The following MUC4 variants were observed in gnomAD, a reference collection of about 807,000 sequenced individuals.
The protein encoded by MUC4 is mucin-4.
Under a neutral mutation model 257.9 loss-of-function variants are expected in MUC4, and 202 were observed. That is an observed-to-expected ratio of 0.78 (90% CI 0.70 to 0.88). The LOEUF (loss-of-function observed/expected upper bound fraction) is 0.88, where lower values mean the gene tolerates loss of function less well. MUC4 is among the 40% of genes least tolerant of loss of function. The pLI, the probability that MUC4 is intolerant of heterozygous loss-of-function variation, is 0.00. For synonymous variants in MUC4, 2,351 were observed against 2,757.1 expected (o/e 0.85, Z 4.62); for missense variants, 5,976 against 6,513.7 (o/e 0.92, Z 2.84).
chr3:195,778,431 G>A lies in MUC4; in HGVS notation c.12815C>T (p.Thr4272Ile). Reference sequence around the variant, plus strand: ...TGTGGCTGTGCGTCTCCCACCGTCTGTCTTCAGTGACGGTGTTGTCATTCC... The same window carrying A: ...TGTGGCTGTGCGTCTCCCACCGTCTATCTTCAGTGACGGTGTTGTCATTCC... The part of the protein sequence containing the change: ...TPGMTTPSLK[T>I]DGGRRTATSP... The change falls in exon 3 of 25, where the codon ACA (threonine) becomes ATA (isoleucine). Residue 4272 changes from threonine to isoleucine, a missense_variant. Physicochemically the swap from Thr to Ile is moderately conservative, Grantham distance 89. This residue lies in a region of MUC4 where 233 missense variants were observed against 171.2 expected (regional missense o/e 1.36). Transcript: ENST00000463781. 2 of 1,612,924 alleles carry A rather than the reference G, an allele frequency of 1.2e-6. No homozygotes were observed. Among genetic ancestry groups the A allele is most frequent in the Non-Finnish European group, 1.7e-6 (2 of 1,179,808 alleles).
In MUC4 at chr3:195,779,843, C is replaced by G. The variant is rs1245628907; in HGVS notation, c.11737G>C (p.Ala3913Pro). The part of the protein sequence containing the change: ...TPLPVTDTSS[A>P]STDDTTRLPV... ...AGACGGGTGGTGTCATCTGTGGAAG[C>G]TGAGGAAGTGTCGGTGACAGGAAGA... The change falls in exon 2 of 25, where the codon GCT becomes CCT. Residue 3913 changes from alanine to proline, a missense_variant. Ala to Pro is a conservative substitution (Grantham distance 27). Transcript: ENST00000463781. 1 of 604,454 alleles carries G rather than the reference C, an allele frequency of 1.7e-6. No individual in the cohort carries two copies. The highest frequency in any genetic ancestry group is 2.7e-5 in the African/African-American group (1 of 37,508). The allele number at this position is 604,454 out of a possible 1,614,324, so 37.4% of individuals were successfully genotyped here.
chr3:195,766,522 A>G, intron 8 of MUC4, 141 bp downstream of exon 8: 1 of 710,702 alleles, frequency 1.4e-6, no homozygotes, highest in Non-Finnish European at 2.4e-6. Flanking sequence ...CTAGACCTGT[A>G]GGAGGTTGAA....
chr3:195,808,214 G>A (rs910923051), intron 1 of MUC4, among the ~76,000 whole-genome samples: 3 of 151,870 alleles, frequency 2.0e-5, no homozygotes, highest in African/African-American at 7.3e-5. Context: ...TCTCAAACAC[G>A]TCTTTATGGC....
rs1339355747 is a variant in MUC4, at chr3:195,762,748, ACCCGGCCCTGCACCGCCACGCG to A, written c.14344+85_14344+106del. ...CGCGCCCGGCCCTGCACCACAACGC[ACCCGGCCCTGCACCGCCACGCG>A]CCCGGCCCTGCACCGCAACGCGGCT... On this transcript the variant is annotated intron_variant, in intron 13 of 24. Coordinates refer to ENST00000463781, the MANE Select transcript of MUC4 (RefSeq NM_018406.7). 13 of 1,041,494 alleles carry A rather than the reference ACCCGGCCCTGCACCGCCACGCG, an allele frequency of 1.2e-5. No homozygotes were observed. In the Admixed American group the frequency reaches 1.5e-4, roughly 12 times the overall value. 64.5% of individuals were successfully genotyped at this position (1,041,494 alleles called of 1,614,324 possible).
intron 8 of MUC4, among the ~76,000 whole-genome samples, chr3:195,765,814 G>A (rs902519305): frequency 6.6e-6 from 1 of 152,206 alleles, no homozygotes; most frequent in Non-Finnish European, 1.5e-5. Context: ...GCCTCTTGAC[G>A]CTTGTCTTTC....
At position 195,761,026 on chromosome 3, in the gene MUC4, G is replaced by GT. The variant is rs766716021; in HGVS notation, c.14705dup (p.Asn4902LysfsTer6). 1 of 1,614,188 alleles carries GT rather than the reference G, an allele frequency of 6.2e-7. No individual in the cohort carries two copies. Among genetic ancestry groups the GT allele is most frequent in the Admixed American group, 1.7e-5 (1 of 60,024 alleles). On this transcript the variant is annotated frameshift_variant, in exon 16 of 25. Coordinates refer to ENST00000463781, the MANE Select transcript of MUC4 (RefSeq NM_018406.7). LOFTEE classifies it high-confidence loss of function. ...AGATCAAATGTTCAGCCCAGGAGCT[G>GT]TTTTTTTGCAGTTGTGAGTAGAAAA...
intron 1 of MUC4, among the ~76,000 whole-genome samples, chr3:195,806,731 A>G (rs1488936191): frequency 6.6e-6 from 1 of 152,208 alleles, no homozygotes; most frequent in African/African-American, 2.4e-5. Flanking sequence ...GTGAGTCAGG[A>G]GACCTGGGTT....
chr3:195,766,028 T>A (rs1175268690), intron 8 of MUC4, among the ~76,000 whole-genome samples: 3 of 152,156 alleles, frequency 2.0e-5, no homozygotes, highest in Admixed American at 6.5e-5. Flanking sequence ...TGGCGCGATC[T>A]CGGCTCGCTG....
chr3:195,762,270 G>A lies in MUC4; in HGVS notation c.14345-16C>T. 1 of 1,560,196 alleles carries A rather than the reference G, an allele frequency of 6.4e-7. No individual in the cohort carries two copies. Among genetic ancestry groups the A allele is most frequent in the Non-Finnish European group, 8.7e-7 (1 of 1,151,818 alleles). Reference sequence around the variant, plus strand: ...GTCTCCTGGCCTGGAGCATCGGGAGGCAGCGGAGAGGAAGCCAGGTCGGCA... The same window carrying A: ...GTCTCCTGGCCTGGAGCATCGGGAGACAGCGGAGAGGAAGCCAGGTCGGCA... On this transcript the variant is annotated splice_polypyrimidine_tract_variant and intron_variant, in intron 13 of 24. Transcript: ENST00000463781.
In MUC4 at chr3:195,748,890, A is replaced by G. The variant is rs1715736785; in HGVS notation, c.16034+12T>C. ...GCACTGTCCTCCACCTCCTGGCCAC[A>G]GCCCTATGCACCTGCAGCGGGGCCC... On this transcript the variant is annotated intron_variant, in intron 24 of 24. Coordinates refer to ENST00000463781, the MANE Select transcript of MUC4 (RefSeq NM_018406.7). The G allele has an allele frequency of 3.9e-6, 6 of 1,555,206 alleles. No individual in the cohort carries two copies. The highest frequency in any genetic ancestry group is 5.2e-6 in the Non-Finnish European group (6 of 1,153,556).
intron 7 of MUC4, among the ~76,000 whole-genome samples, chr3:195,767,814 TCACCACCACCAC>T (rs1221256353): frequency 9.3e-5 from 4 of 42,900 alleles, no homozygotes; most frequent in Admixed American, 3.9e-4. Context: ...ATCACCACCA[TCACCACCACCAC>T]CACCATCACC....
At chr3:195,797,385 C>A (rs3103951) in intron 1 of MUC4, among the ~76,000 whole-genome samples, 1 of 152,072 alleles carries the variant, frequency 6.6e-6, no homozygotes, top group Non-Finnish European at 1.5e-5. Flanking sequence ...ATAAACAGAA[C>A]GGAGGGGAGA....
rs886991694 is a variant in MUC4, at chr3:195,759,237, C to T, written c.14873G>A (p.Gly4958Asp). 6.2e-7 allele frequency: 1 copy of T among 1,614,080 alleles called. No individual in the cohort carries two copies. The highest frequency in any genetic ancestry group is 1.1e-5 in the South Asian group (1 of 91,066). Residue 4958 changes from glycine to aspartate, a missense_variant, in exon 17 of 25, where the codon GGT (glycine) becomes GAT (aspartate). By Grantham distance (94) the Gly-to-Asp change is moderately conservative. Coordinates refer to ENST00000463781, the MANE Select transcript of MUC4 (RefSeq NM_018406.7). ...TLNQYPPSINGGRVIEAYKGQ... is the reference protein window; with the variant it reads ...TLNQYPPSINDGRVIEAYKGQ... ...CTTGTAGGCTTCAATCACACGACCACCATTGATGGAGGGCGGGTACTGATC... is the reference window on the plus strand; with the variant it reads ...CTTGTAGGCTTCAATCACACGACCATCATTGATGGAGGGCGGGTACTGATC...
At chr3:195,754,078 C>T in intron 19 of MUC4, 135 bp downstream of exon 19, 2 of 1,247,862 alleles carry the variant, frequency 1.6e-6, no homozygotes, top group Non-Finnish European at 2.2e-6. Flanking sequence ...GCCTAGATTT[C>T]CCACACCTGC....
At chr3:195,748,004 G>A (rs1231158066) in intron 24 of MUC4, among the ~76,000 whole-genome samples, 2 of 139,508 alleles carry the variant, frequency 1.4e-5, no homozygotes, top group Admixed American at 7.0e-5. Flanking sequence ...CCCACCCGGA[G>A]AGCCGGGCCC....
intron 3 of MUC4, 103 bp downstream of exon 3, chr3:195,778,200 C>G: frequency 7.1e-7 from 1 of 1,408,590 alleles, no homozygotes; most frequent in African/African-American, 1.5e-5. Flanking sequence ...CTCGGTAAGG[C>G]CCTCCCCACC....
Position 195,771,688 on chromosome 3 carries a change from A to C in MUC4, c.13206T>G (p.Ala4402=), listed in dbSNP as rs1217666156. The change falls in exon 5 of 25, where the codon GCT becomes GCG. Residue 4402 remains alanine, a synonymous_variant. Transcript: ENST00000463781. The part of the protein sequence containing the change: ...VALVAPFWDD[A]DFSTGRGTTF... ...TGGTCCCCCGACCAGTGGAGAAGTC[A>C]GCATCGTCCCAGAACGGAGCCACCA... The C allele has an allele frequency of 6.2e-7, 1 of 1,613,928 alleles. No homozygotes were observed. The highest frequency in any genetic ancestry group is 8.5e-7 in the Non-Finnish European group (1 of 1,179,860).
At chr3:195,752,945 G>T in intron 20 of MUC4, 106 bp downstream of exon 20, 1 of 1,026,968 alleles carries the variant, frequency 9.7e-7, no homozygotes, top group South Asian at 1.7e-5. Flanking sequence ...TCTGTCCTGT[G>T]ACCCCAGAGC....
intron 17 of MUC4, 94 bp downstream of exon 17, chr3:195,759,030 T>C: frequency 8.9e-6 from 13 of 1,460,742 alleles, no homozygotes; most frequent in Middle Eastern, 2.4e-4. Flanking sequence ...CAGCAAGTGT[T>C]GCTGGGTGTA....
Sources: allele counts gnomAD v4.1 joint callset (sites outside exome capture counted in the v4.1 genomes callset), GRCh38; gene constraint gnomAD v4.1.1; regional missense constraint gnomAD v4.1.1; transcripts MANE v1.5; gene names NCBI Gene and HGNC (gene_info 2026-07-23, HGNC 2026-07-21).